The following DUS2 variants were observed in gnomAD, a reference collection of about 807,000 sequenced individuals.
The protein encoded by DUS2 is tRNA-dihydrouridine(20) synthase [NAD(P)+]-like.
Under a neutral mutation model 71.3 loss-of-function variants are expected in DUS2, and 52 were observed. The observed-to-expected ratio is 0.73, with a 90% CI of 0.58 to 0.92. The LOEUF is 0.92. DUS2 is among the 40% of genes least tolerant of loss of function. The pLI is 0.00. For synonymous variants in DUS2, 204 were observed against 227.8 expected (o/e 0.90, Z 0.94); for missense variants, 558 against 622.6 (o/e 0.90, Z 1.10).
rs754787374 is a variant in DUS2, at chr16:68,066,297, T to G, written c.418-20T>G. 10 of 1,613,522 alleles carry G rather than the reference T, an allele frequency of 6.2e-6. No homozygotes were observed. The highest frequency in any genetic ancestry group is 7.6e-6 in the Non-Finnish European group (9 of 1,179,448). On this transcript the variant is annotated intron_variant, in intron 8 of 16. Coordinates refer to ENST00000565263, the MANE Select transcript of DUS2 (RefSeq NM_017803.5). Reference sequence around the variant, plus strand: ...TTTGTTCCAGAAGACATAGGTGCTCTTGTGTTTTCCTTTCTGCAGATCCTC... The same window carrying G: ...TTTGTTCCAGAAGACATAGGTGCTCGTGTGTTTTCCTTTCTGCAGATCCTC...
intron 3 of DUS2, among the ~76,000 whole-genome samples, chr16:68,047,586 C>A (rs559380026): frequency 7.7e-4 from 117 of 151,644 alleles, no homozygotes; most frequent in Non-Finnish European, 1.2e-3. Context: ...CTGGTTCAAG[C>A]AATTCTCCTG....
rs959413890 is a variant in DUS2, at chr16:68,076,486, G to C, written c.1083-146G>C. ...GTAGGACAAGAATGGGAGCCTAGGG[G>C]AGCAAGTACAGAAGCCTTAAGGCAG... On this transcript the variant is annotated intron_variant, in intron 14 of 16. Coordinates refer to ENST00000565263, the MANE Select transcript of DUS2 (RefSeq NM_017803.5). The C allele has an allele frequency of 5.1e-5, 29 of 569,710 alleles. No homozygotes were observed. The African/African-American group carries it at 5.6e-4, about 11-fold the overall frequency. 35.3% of individuals were successfully genotyped at this position (569,710 alleles called of 1,614,324 possible). A position where few individuals can be genotyped will look rare whatever the true frequency, so the allele number is the denominator to read the frequency against.
At chr16:68,043,966 G>A (rs1305128725) in intron 3 of DUS2, among the ~76,000 whole-genome samples, 1 of 152,168 alleles carries the variant, frequency 6.6e-6, no homozygotes, top group Non-Finnish European at 1.5e-5. Flanking sequence ...CACCGGGTCT[G>A]TGCTCTTGTA....
At chr16:68,075,205 G>A in intron 13 of DUS2, 150 bp from the exon 14 acceptor site, 1 of 651,080 alleles carries the variant, frequency 1.5e-6, no homozygotes, top group Non-Finnish European at 2.4e-6. Context: ...CCCAGGGCTG[G>A]GCAGGGGGCA....
At chr16:68,044,319 G>T (rs2033671286) in intron 3 of DUS2, among the ~76,000 whole-genome samples, 1 of 152,054 alleles carries the variant, frequency 6.6e-6, no homozygotes, top group East Asian at 1.9e-4. Flanking sequence ...TTAGTTTACG[G>T]ATTATTGCTG....
chr16:68,054,563 T>C lies in DUS2; in HGVS notation c.265-11T>C, dbSNP rs774797623. 6.2e-7 allele frequency: 1 copy of C among 1,614,124 alleles called. No individual in the cohort carries two copies. Among genetic ancestry groups the C allele is most frequent in the Non-Finnish European group, 8.5e-7 (1 of 1,180,028 alleles). On this transcript the variant is annotated splice_polypyrimidine_tract_variant and intron_variant, in intron 5 of 16. Transcript: ENST00000565263. ...CAGGGCAGTGGTTGATGCAGCCTCT[T>C]GTGTTCCCAGGGGACTTCAGACGCA... is the stretch of plus-strand genomic sequence containing the variant.
At chr16:68,049,584 T>C in intron 4 of DUS2, 34 bp downstream of exon 4, 1 of 1,607,418 alleles carries the variant, frequency 6.2e-7, no homozygotes, top group Non-Finnish European at 8.5e-7. Context: ...ATTATGCATA[T>C]GCCCTGCTGG....
intron 2 of DUS2, among the ~76,000 whole-genome samples, chr16:68,037,103 T>A (rs1225188345): frequency 1.3e-5 from 2 of 151,870 alleles, no homozygotes; most frequent in African/African-American, 4.8e-5. Context: ...CTTCAGATAC[T>A]CCAGTGCAGG....
intron 14 of DUS2, among the ~76,000 whole-genome samples, chr16:68,075,885 C>T (rs1278734616): frequency 6.6e-6 from 1 of 152,186 alleles, no homozygotes; most frequent in African/African-American, 2.4e-5. Context: ...CCCCTACCCA[C>T]ACCCAGTGCC....
At chr16:68,063,338 T>C (rs1352107175) in intron 8 of DUS2, among the ~76,000 whole-genome samples, 1 of 152,144 alleles carries the variant, frequency 6.6e-6, no homozygotes, top group East Asian at 1.9e-4. Context: ...GTGAGAGCTT[T>C]GCGGGTCCTT....
intron 3 of DUS2, among the ~76,000 whole-genome samples, chr16:68,048,693 C>T (rs1736331066): frequency 6.6e-6 from 1 of 152,104 alleles, no homozygotes. Flanking sequence ...GCCCACTTGG[C>T]TGGGGTTGTG....
intron 2 of DUS2, among the ~76,000 whole-genome samples, chr16:68,029,944 T>C (rs2033413964): frequency 1.3e-5 from 2 of 150,336 alleles, no homozygotes; most frequent in South Asian, 2.1e-4. Flanking sequence ...TGGTGTCTTA[T>C]TATGTTGCCT....
At chr16:68,057,057 TATGTAA>T (rs2151421000) in intron 7 of DUS2, among the ~76,000 whole-genome samples, 1 of 137,402 alleles carries the variant, frequency 7.3e-6, no homozygotes, top group African/African-American at 2.7e-5. Flanking sequence ...TTTATATATA[TATGTAA>T]TATATATGTT....
intron 2 of DUS2, among the ~76,000 whole-genome samples, chr16:68,033,485 T>TA (rs1326954194): frequency 6.6e-6 from 1 of 151,576 alleles, no homozygotes; most frequent in African/African-American, 2.4e-5. Context: ...ATTTAAAAAT[T>TA]AAAAAAAAAT....
intron 2 of DUS2, among the ~76,000 whole-genome samples, chr16:68,030,593 AAAAT>A (rs144497451): frequency 0.042 from 6,344 of 152,110 alleles, 438 homozygotes; most frequent in African/African-American, 0.14. Flanking sequence ...TCCATCTCAA[AAAAT>A]AAATAAATAA....
chr16:68,039,697 A>G (rs979137611), intron 3 of DUS2, among the ~76,000 whole-genome samples: 2 of 152,044 alleles, frequency 1.3e-5, no homozygotes, highest in Non-Finnish European at 2.9e-5. Flanking sequence ...CTGGGATTAC[A>G]GGTGTGAGCC....
At chr16:68,075,594 T>C (rs1263555660) in intron 14 of DUS2, 90 bp downstream of exon 14, 11 of 1,325,748 alleles carry the variant, frequency 8.3e-6, no homozygotes, top group Non-Finnish European at 1.1e-5. Context: ...ATGTGCTTAA[T>C]GTCAAACGTA....
rs964169134 is a variant in DUS2 at position 68,028,345 on chromosome 16, G to T, written c.-19+2851G>T. ...TTGTCGATATAACAACATAATAATA[G>T]ACGTTAGAGGCCAGGCGCGGTGGCT... is the stretch of plus-strand genomic sequence containing the variant. On this transcript the variant is annotated intron_variant, in intron 2 of 16. Transcript: ENST00000565263. Among the ~76,000 whole-genome samples, 15 of 151,988 alleles carry T rather than the reference G, an allele frequency of 9.9e-5. 1 individual carries two copies. Among genetic ancestry groups the T allele is most frequent in the African/African-American group, 3.1e-4 (13 of 41,392 alleles).
chr16:68,078,335 T>G, intron 15 of DUS2, 110 bp from the exon 16 acceptor site: 1 of 1,046,746 alleles, frequency 9.6e-7, no homozygotes, highest in East Asian at 2.4e-5. Context: ...CAGCCTTCAT[T>G]TGACTTAGGT....
Sources: allele counts gnomAD v4.1 joint callset (sites outside exome capture counted in the v4.1 genomes callset), GRCh38; gene constraint gnomAD v4.1.1; transcripts MANE v1.5; gene names NCBI Gene and HGNC (gene_info 2026-07-23, HGNC 2026-07-21).